SPIN1: variants seen among roughly 807,000 people sequenced by gnomAD.
SPIN1 encodes spindlin 1.
SPIN1 carries 3 observed loss-of-function variants against 26.0 expected under a neutral mutation model. The ratio of observed to expected loss-of-function variants is 0.12; its 90% confidence interval spans 0.05 to 0.30. SPIN1 has a LOEUF of 0.30. Among genes scored for constraint, SPIN1 ranks in the 10% least tolerant of loss-of-function variants. The probability of loss-of-function intolerance (pLI) is 1.00; values close to 1 mark genes in which losing one functional copy is unlikely to be tolerated. For synonymous variants in SPIN1, 101 were observed against 116.5 expected (o/e 0.87, Z 0.86); for missense variants, 126 against 333.4 (o/e 0.38, Z 4.84).
At chr9:88,472,719 C>A (rs1301011901) in intron 5 of SPIN1, among the ~76,000 whole-genome samples, 1 of 152,218 alleles carries the variant, frequency 6.6e-6, no homozygotes, top group Non-Finnish European at 1.5e-5. Flanking sequence ...TCTCGATCTC[C>A]TGACCTTGTG....
At chr9:88,433,093 G>C (rs1827915727) in intron 2 of SPIN1, among the ~76,000 whole-genome samples, 1 of 151,270 alleles carries the variant, frequency 6.6e-6, no homozygotes, top group Non-Finnish European at 1.5e-5. Flanking sequence ...CTTTTTGTTT[G>C]TTTTGAGATA....
chr9:88,415,026 C>G (rs1010533833), intron 1 of SPIN1, among the ~76,000 whole-genome samples: 1 of 152,118 alleles, frequency 6.6e-6, no homozygotes, highest in Non-Finnish European at 1.5e-5. Flanking sequence ...GCCTTAGCCT[C>G]CCGAGTAGCT....
chr9:88,390,681 G>A (rs761490946), intron 1 of SPIN1, among the ~76,000 whole-genome samples: 4 of 152,090 alleles, frequency 2.6e-5, no homozygotes, highest in Admixed American at 6.6e-5. Flanking sequence ...CAACTATTTC[G>A]TGCAAGTATT....
At chr9:88,466,979 C>T (rs1828682164) in intron 4 of SPIN1, among the ~76,000 whole-genome samples, 1 of 152,136 alleles carries the variant, frequency 6.6e-6, no homozygotes, top group Non-Finnish European at 1.5e-5. Flanking sequence ...TCAAGTGATT[C>T]GCCCGCCTTG....
At chr9:88,456,708 G>C (rs948553959) in intron 3 of SPIN1, among the ~76,000 whole-genome samples, 36 of 152,198 alleles carry the variant, frequency 2.4e-4, no homozygotes, top group African/African-American at 8.7e-4. Context: ...ACTTCATCTT[G>C]ACTTGCATCT....
intron 4 of SPIN1, among the ~76,000 whole-genome samples, chr9:88,466,964 T>C (rs1304449309): frequency 6.6e-6 from 1 of 152,232 alleles, no homozygotes; most frequent in Non-Finnish European, 1.5e-5. Context: ...CTCAAACTTC[T>C]GGGCTCAAGT....
intron 5 of SPIN1, among the ~76,000 whole-genome samples, chr9:88,470,549 C>A (rs931717761): frequency 6.6e-6 from 1 of 152,028 alleles, no homozygotes; most frequent in Non-Finnish European, 1.5e-5. Context: ...ATTTGCATTT[C>A]CCTGATGAGT....
intron 2 of SPIN1, among the ~76,000 whole-genome samples, chr9:88,436,754 C>CTTTTTTTTT (rs776223657): frequency 8.1e-5 from 8 of 98,794 alleles, no homozygotes; most frequent in East Asian, 3.2e-4. Context: ...TCCTCTGTGT[C>CTTTTTTTTT]TTTTTTTTTT....
intron 1 of SPIN1, chr9:88,410,419 C>T (rs1827418181): frequency 1.6e-6 from 1 of 607,956 alleles, no homozygotes; most frequent in East Asian, 3.4e-5. Flanking sequence ...TTCTTTGTAG[C>T]ATCTAGGCCC....
chr9:88,471,112 G>A (rs1828774484), intron 5 of SPIN1, among the ~76,000 whole-genome samples: 1 of 152,104 alleles, frequency 6.6e-6, no homozygotes, highest in African/African-American at 2.4e-5. Flanking sequence ...TGAAGTCCGA[G>A]TTATGTTTTC....
At chr9:88,467,934 A>G (rs972747984) in intron 4 of SPIN1, among the ~76,000 whole-genome samples, 1 of 152,032 alleles carries the variant, frequency 6.6e-6, no homozygotes. Context: ...TAAGATGCTA[A>G]TACAGGAGAA....
intron 1 of SPIN1, among the ~76,000 whole-genome samples, chr9:88,395,323 A>C (rs1159967765): frequency 6.6e-6 from 1 of 151,746 alleles, no homozygotes; most frequent in Non-Finnish European, 1.5e-5. Flanking sequence ...TTTCCTACAC[A>C]ATAGGCAGCG....
chr9:88,400,759 C>T (rs530480804), intron 1 of SPIN1, among the ~76,000 whole-genome samples: 1 of 151,908 alleles, frequency 6.6e-6, no homozygotes, highest in Admixed American at 6.6e-5. Flanking sequence ...GCAGGAGAAT[C>T]GCTTGAGCCC....
At chr9:88,467,791 T>C (rs1281374964) in intron 4 of SPIN1, among the ~76,000 whole-genome samples, 1 of 150,298 alleles carries the variant, frequency 6.7e-6, no homozygotes, top group East Asian at 2.0e-4. Flanking sequence ...TAAAAACCTA[T>C]GCCTTAATAA....
chr9:88,475,944 C>T lies in SPIN1; in HGVS notation c.*667C>T, dbSNP rs1763530298. ...AAAAAAAAATCAGAAGTTCAGAGCA[C>T]CTTTTCAATCTGGAGCCCTTAAACC... is the stretch of plus-strand genomic sequence containing the variant. On this transcript the variant is annotated 3_prime_UTR_variant, in exon 6 of 6. Transcript: ENST00000375859. 6.6e-6 allele frequency: 1 copy of T among 152,064 alleles called. No individual in the cohort carries two copies. Among genetic ancestry groups the T allele is most frequent in the African/African-American group, 2.4e-5 (1 of 41,386 alleles). 9.4% of individuals were successfully genotyped at this position (152,064 alleles called of 1,614,324 possible).
chr9:88,401,440 A>ACCCCAC (rs1827185151), intron 1 of SPIN1, among the ~76,000 whole-genome samples: 1 of 152,086 alleles, frequency 6.6e-6, no homozygotes, highest in Admixed American at 6.6e-5. Flanking sequence ...CCCCGCCTGC[A>ACCCCAC]CCCCACCCCA....
intron 3 of SPIN1, among the ~76,000 whole-genome samples, chr9:88,449,651 A>G (rs1171665040): frequency 1.3e-5 from 2 of 152,152 alleles, no homozygotes; most frequent in Non-Finnish European, 2.9e-5. Context: ...TTCAATTATA[A>G]TATTCACTTT....
In SPIN1 at chr9:88,412,847, G is replaced by C. The variant is rs559267876; in HGVS notation, c.-158-13535G>C. 1.2e-3 allele frequency among the ~76,000 whole-genome samples: 182 copies of C among 150,648 alleles called. 1 individual carries two copies. Among genetic ancestry groups the C allele is most frequent in the Middle Eastern group, 6.8e-3 (2 of 292 alleles). On this transcript the variant is annotated intron_variant, in intron 1 of 5. Coordinates refer to ENST00000375859, the MANE Select transcript of SPIN1 (RefSeq NM_006717.3). ...TACAGGCGCATGCCACCACACCCGG[G>C]TAATTTTTGTATTTTTAGTAGAGAC...
At chr9:88,424,801 G>A (rs1190571875) in intron 1 of SPIN1, among the ~76,000 whole-genome samples, 1 of 152,160 alleles carries the variant, frequency 6.6e-6, no homozygotes, top group East Asian at 1.9e-4. Context: ...GGTAGGGTGT[G>A]TAAGAGCCAG....
Sources: allele counts gnomAD v4.1 joint callset (sites outside exome capture counted in the v4.1 genomes callset), GRCh38; gene constraint gnomAD v4.1.1; transcripts MANE v1.5; gene names NCBI Gene and HGNC (gene_info 2026-07-23, HGNC 2026-07-21).